The following ADAM12 variants were observed in gnomAD, a reference collection of about 807,000 sequenced individuals.
ADAM12 encodes disintegrin and metalloproteinase domain-containing protein 12.
ADAM12 carries 70 observed loss-of-function variants against 106.4 expected under a neutral mutation model. That is an observed-to-expected ratio of 0.66 (90% confidence interval 0.54 to 0.80). ADAM12 has a LOEUF of 0.80. Ranked by LOEUF, ADAM12 falls within the 30% of genes least tolerant of loss-of-function variation. ADAM12 has a pLI of 0.00. For missense variants in ADAM12, 1,010 were observed against 1,171.9 expected (o/e 0.86, Z 2.02); for synonymous variants, 420 against 433.5 (o/e 0.97, Z 0.39).
At chr10:126,052,609 G>A (rs529135518) in intron 14 of ADAM12, among the ~76,000 whole-genome samples, 13 of 152,292 alleles carry the variant, frequency 8.5e-5, no homozygotes, top group African/African-American at 2.6e-4. Flanking sequence ...CAGCCTGGGA[G>A]GAGAGTTGGA....
At chr10:126,198,593 C>A (rs1184575881) in intron 3 of ADAM12, among the ~76,000 whole-genome samples, 1 of 152,216 alleles carries the variant, frequency 6.6e-6, no homozygotes, top group African/African-American at 2.4e-5. Context: ...AGAGATCCAG[C>A]ACCTCCCCTG....
At chr10:126,157,840 C>G (rs371673643) in intron 3 of ADAM12, among the ~76,000 whole-genome samples, 1 of 45,404 alleles carries the variant, frequency 2.2e-5, no homozygotes, top group South Asian at 1.6e-3. Flanking sequence ...CCCTGTCACG[C>G]AGTCATGAGC....
At chr10:126,059,658 A>G (rs1311238142) in intron 14 of ADAM12, among the ~76,000 whole-genome samples, 16 of 152,234 alleles carry the variant, frequency 1.1e-4, no homozygotes, top group Admixed American at 1.0e-3. Flanking sequence ...GCCCATAAAA[A>G]TGGTCTGGTC....
At chr10:126,228,175 C>T (rs1301510057) in intron 3 of ADAM12, among the ~76,000 whole-genome samples, 1 of 152,196 alleles carries the variant, frequency 6.6e-6, no homozygotes, top group African/African-American at 2.4e-5. Context: ...GTCCCATTGA[C>T]AAAAGCAAAT....
At chr10:126,344,138 G>T (rs1855046693) in intron 1 of ADAM12, among the ~76,000 whole-genome samples, 1 of 152,080 alleles carries the variant, frequency 6.6e-6, no homozygotes, top group South Asian at 2.1e-4. Flanking sequence ...TTTCTTCTAG[G>T]GTTTTTATGG....
intron 3 of ADAM12, among the ~76,000 whole-genome samples, chr10:126,178,985 T>C (rs981468721): frequency 3.0e-4 from 45 of 151,762 alleles, no homozygotes; most frequent in African/African-American, 1.0e-3. Flanking sequence ...AGGCGGAGGC[T>C]GCGGTGAGCC....
rs577730849 is a variant in ADAM12 at position 126,066,221 on chromosome 10, C to T, written c.1413+496G>A. Reference sequence around the variant, plus strand: ...CAGCAATGGCGAGAGTATAAAACTGCCATTCTTGGCTGGGCGGGGTTGGTG... The same window carrying T: ...CAGCAATGGCGAGAGTATAAAACTGTCATTCTTGGCTGGGCGGGGTTGGTG... On this transcript the variant is annotated intron_variant, in intron 13 of 22. Coordinates refer to ENST00000448723, the MANE Select transcript of ADAM12 (RefSeq NM_001288973.2). This position sits in a 1 kb window ranked among gnomAD's most constrained non-coding sequence, Gnocchi z 5.1. 6.6e-6 allele frequency among the ~76,000 whole-genome samples: 1 copy of T among 152,284 alleles called. No homozygotes were observed. The highest frequency in any genetic ancestry group is 1.9e-4 in the East Asian group (1 of 5,174).
chr10:126,333,024 G>GAGA (rs1745437648), intron 1 of ADAM12, among the ~76,000 whole-genome samples: 1 of 152,188 alleles, frequency 6.6e-6, no homozygotes, highest in Non-Finnish European at 1.5e-5. Flanking sequence ...GTGAAAACTG[G>GAGA]AGATCCATCT....
intron 2 of ADAM12, among the ~76,000 whole-genome samples, chr10:126,312,880 C>T (rs1416699107): frequency 6.6e-6 from 1 of 152,178 alleles, no homozygotes; most frequent in South Asian, 2.1e-4. Flanking sequence ...TGAGCCACAT[C>T]GCCAAAGCTA....
intron 5 of ADAM12, among the ~76,000 whole-genome samples, chr10:126,121,038 CAATATAATATATT>C (rs1956082218): frequency 9.5e-6 from 1 of 105,084 alleles, no homozygotes; most frequent in Non-Finnish European, 1.7e-5. Flanking sequence ...ATTATATATG[CAATATAATATATT>C]ATATGCAATA....
intron 1 of ADAM12, among the ~76,000 whole-genome samples, chr10:126,351,902 A>G (rs1214218520): frequency 2.6e-5 from 4 of 152,244 alleles, no homozygotes; most frequent in African/African-American, 9.6e-5. Flanking sequence ...GGAAGAGTGG[A>G]CTGAGAAAGT....
chr10:126,051,580 T>TCCAGCCAGCCAGCCAGCCAG (rs1303239755), intron 14 of ADAM12, among the ~76,000 whole-genome samples: 17 of 100,970 alleles, frequency 1.7e-4, no homozygotes, highest in Non-Finnish European at 2.7e-4. Context: ...CATCCATCCA[T>TCCAGCCAGCCAGCCAGCCAG]CCATCCATCC....
chr10:126,264,800 A>G (rs1959066030), intron 3 of ADAM12, among the ~76,000 whole-genome samples: 1 of 152,038 alleles, frequency 6.6e-6, no homozygotes, highest in South Asian at 2.1e-4. Context: ...CTATGTCTAG[A>G]CGCAATCCAG....
At chr10:126,024,679 G>A (rs925794383) in intron 21 of ADAM12, among the ~76,000 whole-genome samples, 1 of 152,068 alleles carries the variant, frequency 6.6e-6, no homozygotes, top group Non-Finnish European at 1.5e-5. Context: ...ACTTTGAGCT[G>A]GTTGAAGGTA....
chr10:126,143,256 G>A (rs62653089), intron 4 of ADAM12, among the ~76,000 whole-genome samples: 29,315 of 148,466 alleles, frequency 0.2, 3,162 homozygotes, highest in Non-Finnish European at 0.26. Context: ...GTGCATGTGT[G>A]TATATGTATG....
intron 5 of ADAM12, among the ~76,000 whole-genome samples, chr10:126,121,167 A>ATATATAGTATATATAG (rs1956096097): frequency 1.2e-5 from 1 of 83,764 alleles, no homozygotes; most frequent in African/African-American, 5.1e-5. Context: ...TATATATACT[A>ATATATAGTATATATAG]TATATACTAT....
chr10:126,067,527 A>G (rs1954896285), intron 12 of ADAM12, among the ~76,000 whole-genome samples: 1 of 152,276 alleles, frequency 6.6e-6, no homozygotes, highest in African/African-American at 2.4e-5. Context: ...TAACTCCTTT[A>G]TAATGCTGTG....
intron 2 of ADAM12, among the ~76,000 whole-genome samples, chr10:126,295,351 C>T (rs116260169): frequency 6.6e-6 from 1 of 152,136 alleles, no homozygotes; most frequent in Non-Finnish European, 1.5e-5. Context: ...AGGGATGGCA[C>T]ATAAGAAGCA....
intron 11 of ADAM12, among the ~76,000 whole-genome samples, chr10:126,088,793 C>T (rs186420389): frequency 1.3e-5 from 2 of 151,534 alleles, no homozygotes; most frequent in East Asian, 1.9e-4. Flanking sequence ...GTTTGTGTTC[C>T]GTGTCCAGGC....
Sources: allele counts gnomAD v4.1 joint callset (sites outside exome capture counted in the v4.1 genomes callset), GRCh38; gene constraint gnomAD v4.1.1; non-coding constraint Gnocchi (gnomAD v3.1); transcripts MANE v1.5; gene names NCBI Gene and HGNC (gene_info 2026-07-23, HGNC 2026-07-21).